Variants in TRIM24 observed in about 807,000 individuals in gnomAD.
TRIM24 encodes the protein transcription intermediary factor 1-alpha.
In TRIM24, 29 loss-of-function variants were observed where a neutral mutation model predicts 123.9. That is an observed-to-expected ratio of 0.23 (90% CI 0.17 to 0.32). The LOEUF is 0.32. TRIM24 is among the 10% of genes least tolerant of loss of function. The pLI is 1.00. For missense variants in TRIM24, 932 were observed against 1,295.3 expected, an observed-to-expected ratio of 0.72 and a Z score of 4.31; for synonymous variants, 456 against 461.1, an observed-to-expected ratio of 0.99 and a Z score of 0.14.
At chr7:138,508,692 T>TGTGTGTGTGTGTGC (rs1422176564) in intron 2 of TRIM24, among the ~76,000 whole-genome samples, 3 of 137,278 alleles carry the variant, frequency 2.2e-5, no homozygotes, top group African/African-American at 8.2e-5. Context: ...TGTGTGTGTG[T>TGTGTGTGTGTGTGC]GCGCGCGCGT....
At chr7:138,529,371 G>A (rs1796678936) in intron 6 of TRIM24, 141 bp downstream of exon 6, 1 of 422,906 alleles carries the variant, frequency 2.4e-6, no homozygotes. Context: ...GTTTTCCTTT[G>A]CTGGGTTTTG....
chr7:138,570,643 GGTT>G (rs1186925526), intron 10 of TRIM24, among the ~76,000 whole-genome samples, 184 bp from the exon 11 acceptor site: 9 of 132,872 alleles, frequency 6.8e-5, no homozygotes, highest in Middle Eastern at 3.4e-3. Flanking sequence ...TTACTGTTTT[GGTT>G]TTTTTTTTTT....
At chr7:138,531,863 A>G (rs1796754228) in intron 6 of TRIM24, among the ~76,000 whole-genome samples, 1 of 152,190 alleles carries the variant, frequency 6.6e-6, no homozygotes, top group African/African-American at 2.4e-5. Context: ...ATTTCTCCAC[A>G]TCTTCTCCAG....
intron 4 of TRIM24, among the ~76,000 whole-genome samples, chr7:138,521,038 T>C (rs765827206): frequency 1.8e-4 from 27 of 152,208 alleles, no homozygotes; most frequent in Admixed American, 3.3e-4. Context: ...GAAAGTAATA[T>C]TTTTAAAGTG....
In TRIM24 at chr7:138,504,420, A is replaced by G. The variant is rs769670544; in HGVS notation, c.483+12A>G. 1.6e-6 allele frequency: 2 copies of G among 1,276,334 alleles called. No homozygotes were observed. The highest frequency in any genetic ancestry group is 2.1e-6 in the Non-Finnish European group (2 of 941,796). 79.1% of individuals were successfully genotyped at this position (1,276,334 alleles called of 1,614,324 possible). ...AAAAGTCAAATCAGGTAAGTGTATT[A>G]CATCTTGAACCTTTTGCCTGCCAGC... On this transcript the variant is annotated intron_variant, in intron 2 of 18. Transcript: ENST00000343526.
intron 1 of TRIM24, among the ~76,000 whole-genome samples, chr7:138,488,712 A>T (rs1443029302): frequency 2.0e-5 from 3 of 152,184 alleles, no homozygotes; most frequent in East Asian, 3.8e-4. Context: ...GGTCTGTGAG[A>T]CAGTTTGTTG....
At chr7:138,519,121 C>T in intron 3 of TRIM24, 68 bp from the exon 4 acceptor site, 1 of 1,570,616 alleles carries the variant, frequency 6.4e-7, no homozygotes, top group Non-Finnish European at 8.7e-7. Flanking sequence ...TTCAAATGAG[C>T]AATCTAATAA....
At chr7:138,525,961 A>C (rs932920449) in intron 5 of TRIM24, among the ~76,000 whole-genome samples, 10 of 152,172 alleles carry the variant, frequency 6.6e-5, no homozygotes, top group Non-Finnish European at 1.5e-4. Flanking sequence ...ACCTCCATGG[A>C]GCGGGGGCAG....
intron 4 of TRIM24, among the ~76,000 whole-genome samples, chr7:138,521,850 T>C (rs1481488692): frequency 6.6e-6 from 1 of 152,178 alleles, no homozygotes; most frequent in East Asian, 1.9e-4. Flanking sequence ...TGAAAGTCTC[T>C]CTTCATCTGA....
At chr7:138,508,014 T>C (rs1270640738) in intron 2 of TRIM24, among the ~76,000 whole-genome samples, 3 of 152,162 alleles carry the variant, frequency 2.0e-5, no homozygotes, top group African/African-American at 2.4e-5. Flanking sequence ...TGGATCTGAA[T>C]ATTATAGGTT....
chr7:138,524,795 C>T (rs1315751631), intron 4 of TRIM24, among the ~76,000 whole-genome samples: 1 of 152,022 alleles, frequency 6.6e-6, no homozygotes, highest in Non-Finnish European at 1.5e-5. Flanking sequence ...AAGAATTTTG[C>T]CCTTCTCTGT....
intron 1 of TRIM24, among the ~76,000 whole-genome samples, chr7:138,466,860 T>C (rs1272096640): frequency 2.0e-5 from 3 of 152,168 alleles, no homozygotes; most frequent in African/African-American, 7.2e-5. Flanking sequence ...TATCTAACAA[T>C]TTTTTGCCTA....
At position 138,586,103 on chromosome 7, in the gene TRIM24, TGATA is replaced by T. The variant is rs1416931154; in HGVS notation, c.*1155_*1158del. ...TTCTGATTTTATTCTTCTGATTGATTGATAGAGGTACAAAAGACTTATCTTCTGA... is the reference window on the plus strand; with the variant it reads ...TTCTGATTTTATTCTTCTGATTGATTGAGGTACAAAAGACTTATCTTCTGA... On this transcript the variant is annotated 3_prime_UTR_variant, in exon 19 of 19. Coordinates refer to ENST00000343526, the MANE Select transcript of TRIM24 (RefSeq NM_015905.3). The T allele has an allele frequency of 2.7e-4, 104 of 379,300 alleles. No homozygotes were observed. The highest frequency in any genetic ancestry group is 1.9e-3 in the African/African-American group (93 of 48,000). The allele number at this position is 379,300 out of a possible 1,614,324, so 23.5% of individuals were successfully genotyped here.
chr7:138,576,381 A>G lies in TRIM24; in HGVS notation c.2023A>G (p.Thr675Ala), dbSNP rs776258883. ...VPSPGLAGPV[T>A]MTSVHPPIRS... ...GGTTTCCCCCTCCTCAGGACCTGTT[A>G]CTATGACTAGTGTACACCCCCCAAT... is the stretch of plus-strand genomic sequence containing the variant. Residue 675 changes from threonine to alanine, a missense_variant, in exon 13 of 19, where the codon ACT becomes GCT. Physicochemically the swap from Thr to Ala is moderately conservative, Grantham distance 58 (BLOSUM62 0). Around this residue, in one of 7 missense-constraint regions of TRIM24, gnomAD observed 527 missense variants for 691.3 expected, o/e 0.76. Transcript: ENST00000343526. 1.2e-6 allele frequency: 2 copies of G among 1,613,528 alleles called. No individual in the cohort carries two copies. Among genetic ancestry groups the G allele is most frequent in the Non-Finnish European group, 1.7e-6 (2 of 1,179,524 alleles).
intron 15 of TRIM24, among the ~76,000 whole-genome samples, chr7:138,579,756 T>C (rs1797853470): frequency 6.6e-6 from 1 of 152,102 alleles, no homozygotes; most frequent in South Asian, 2.1e-4. Context: ...ACCCTGTCTG[T>C]CTGTACAAAA....
chr7:138,542,506 T>G (rs1797025653), intron 7 of TRIM24, among the ~76,000 whole-genome samples: 1 of 152,120 alleles, frequency 6.6e-6, no homozygotes, highest in Admixed American at 6.6e-5. Flanking sequence ...CTATAACAGA[T>G]TATTGTTAAG....
At chr7:138,547,539 AAATTATTAAATTTTAGATAAAAC>A (rs1378791939) in intron 7 of TRIM24, among the ~76,000 whole-genome samples, 83 of 152,334 alleles carry the variant, frequency 5.4e-4, no homozygotes, top group African/African-American at 1.9e-3. Flanking sequence ...TTTTAAAAAT[AAATTATTAAATTTTAGATAAAAC>A]AATTATTAAA....
chr7:138,562,974 T>C (rs368634226), intron 9 of TRIM24, among the ~76,000 whole-genome samples: 3 of 152,324 alleles, frequency 2.0e-5, no homozygotes, highest in South Asian at 4.1e-4. Flanking sequence ...GTTGGACCTC[T>C]TGTCCTCCTA....
At chr7:138,545,532 A>C in intron 7 of TRIM24, 1 of 456,874 alleles carries the variant, frequency 2.2e-6, no homozygotes, top group South Asian at 1.5e-5. Context: ...GATTGGAATT[A>C]AGAGTACAAG....
Sources: allele counts gnomAD v4.1 joint callset (sites outside exome capture counted in the v4.1 genomes callset), GRCh38; gene constraint gnomAD v4.1.1; regional missense constraint gnomAD v4.1.1; transcripts MANE v1.5; gene names NCBI Gene and HGNC (gene_info 2026-07-23, HGNC 2026-07-21).